Variants in DCLK1 observed in about 807,000 individuals in gnomAD.
DCLK1 encodes serine/threonine-protein kinase DCLK1.
A neutral mutation model predicts 86.2 loss-of-function variants in DCLK1; 16 were observed. The observed-to-expected ratio is 0.19, with a 90% CI of 0.13 to 0.28. The LOEUF (loss-of-function observed/expected upper bound fraction) is 0.28. Ranked by LOEUF, DCLK1 falls within the 10% of genes least tolerant of loss-of-function variation. The pLI, the probability that DCLK1 is intolerant of heterozygous loss-of-function variation, is 1.00. For synonymous variants in DCLK1, 369 were observed against 370.5 expected (o/e 1.00, Z 0.05); for missense variants, 590 against 940.2 (o/e 0.63, Z 4.87).
At chr13:36,008,681 C>T (rs1291047294) in intron 3 of DCLK1, among the ~76,000 whole-genome samples, 13 of 147,924 alleles carry the variant, frequency 8.8e-5, no homozygotes, top group Non-Finnish European at 1.6e-4. Flanking sequence ...CCGCAATAAA[C>T]ATACGTGTGC....
intron 3 of DCLK1, among the ~76,000 whole-genome samples, chr13:36,085,911 A>G (rs575047713): frequency 6.6e-6 from 1 of 152,278 alleles, no homozygotes; most frequent in South Asian, 2.1e-4. Flanking sequence ...CCCCAGACAA[A>G]TATTTCATTG....
chr13:35,983,414 TG>T (rs914462464), intron 3 of DCLK1, among the ~76,000 whole-genome samples: 1 of 152,158 alleles, frequency 6.6e-6, no homozygotes, highest in African/African-American at 2.4e-5. Flanking sequence ...AAACACCTGC[TG>T]GGCCTGCTCA....
chr13:35,955,270 C>T (rs1392297857), intron 3 of DCLK1, among the ~76,000 whole-genome samples: 1 of 151,922 alleles, frequency 6.6e-6, no homozygotes, highest in Admixed American at 6.6e-5. Flanking sequence ...GCTGCTATAA[C>T]AAAAATATCC....
At chr13:35,953,565 G>C (rs1471357910) in intron 3 of DCLK1, among the ~76,000 whole-genome samples, 1 of 151,914 alleles carries the variant, frequency 6.6e-6, no homozygotes, top group Admixed American at 6.6e-5. Context: ...TTGTCATTAC[G>C]CACAGTCGTC....
At chr13:36,095,533 C>A (rs540666591) in intron 3 of DCLK1, among the ~76,000 whole-genome samples, 10 of 151,936 alleles carry the variant, frequency 6.6e-5, no homozygotes, top group Non-Finnish European at 1.5e-4. Flanking sequence ...GCTCAAACTC[C>A]CAAATGTTTC....
chr13:36,074,041 A>C (rs906102963), intron 3 of DCLK1, among the ~76,000 whole-genome samples: 1 of 152,184 alleles, frequency 6.6e-6, no homozygotes, highest in Non-Finnish European at 1.5e-5. Context: ...GTACATTTAC[A>C]TGTACTATAA....
In DCLK1 at chr13:35,925,439, G is replaced by A. The variant is rs756789369; in HGVS notation, c.823+21919C>T. ...TAAAATATGCTAATGTTCTCACCAC[G>A]TGAAGGCAAAGCTGCAGAAACGATG... On this transcript the variant is annotated intron_variant, in intron 4 of 16. Transcript: ENST00000360631. Among the ~76,000 whole-genome samples the A allele has an allele frequency of 3.3e-5, 5 of 152,312 alleles. No individual in the cohort carries two copies. In the South Asian group the frequency reaches 6.2e-4, roughly 19 times the overall value.
intron 16 of DCLK1, among the ~76,000 whole-genome samples, chr13:35,792,707 C>G (rs888519445): frequency 2.6e-5 from 4 of 152,218 alleles, no homozygotes; most frequent in African/African-American, 9.7e-5. Context: ...CCAATTTAAT[C>G]TTTGCCTAGA....
chr13:36,021,215 T>C (rs905699093), intron 3 of DCLK1, among the ~76,000 whole-genome samples: 1 of 145,292 alleles, frequency 6.9e-6, no homozygotes, highest in African/African-American at 2.6e-5. Flanking sequence ...GATAATTGTA[T>C]TCCTCGGGAT....
chr13:35,944,650 C>T (rs1217748303), intron 4 of DCLK1, among the ~76,000 whole-genome samples: 1 of 151,964 alleles, frequency 6.6e-6, no homozygotes, highest in Non-Finnish European at 1.5e-5. Flanking sequence ...CTTCCATATC[C>T]ATGTGTTTCT....
At chr13:35,880,985 C>T (rs534743517) in intron 4 of DCLK1, among the ~76,000 whole-genome samples, 3 of 152,264 alleles carry the variant, frequency 2.0e-5, no homozygotes, top group African/African-American at 4.8e-5. Context: ...AAATACAATG[C>T]CCTCTTAGTC....
intron 10 of DCLK1, among the ~76,000 whole-genome samples, chr13:35,827,059 A>C (rs1455683306): frequency 6.6e-6 from 1 of 152,268 alleles, no homozygotes; most frequent in African/African-American, 2.4e-5. Context: ...TTCAACCGTC[A>C]TCAACAATTG....
At chr13:35,854,406 C>T in intron 6 of DCLK1, 93 bp downstream of exon 6, 1 of 1,004,186 alleles carries the variant, frequency 1.0e-6, no homozygotes, top group Non-Finnish European at 1.4e-6. Flanking sequence ...TTAGATATCG[C>T]CTAGAGACGA....
chr13:35,902,577 G>C (rs971416535), intron 4 of DCLK1, among the ~76,000 whole-genome samples: 3 of 152,206 alleles, frequency 2.0e-5, no homozygotes, highest in Admixed American at 1.3e-4. Flanking sequence ...GAATGATGAA[G>C]GATGTAAGCC....
rs1204539278 is a variant in DCLK1 at position 36,121,523 on chromosome 13, A to T, written c.376+4239T>A. On this transcript the variant is annotated intron_variant, in intron 2 of 16. Transcript: ENST00000360631. ...TTGAGAGAGACGCCACATTCACATA[A>T]CTTTTATTATAGTATATTGTTATAA... 3.3e-5 allele frequency among the ~76,000 whole-genome samples: 5 copies of T among 152,026 alleles called. No individual in the cohort carries two copies. In the East Asian group the frequency reaches 9.7e-4, roughly 29 times the overall value.
chr13:35,940,284 T>G (rs1314181485), intron 4 of DCLK1, among the ~76,000 whole-genome samples: 1 of 127,640 alleles, frequency 7.8e-6, no homozygotes, highest in Non-Finnish European at 1.6e-5. Flanking sequence ...ACAGCAAGAG[T>G]CCGTCTCAAA....
intron 4 of DCLK1, among the ~76,000 whole-genome samples, chr13:35,936,962 C>CTTTTTTTTTTTTTTTTGT (rs1876789357): frequency 1.5e-5 from 1 of 65,712 alleles, no homozygotes; most frequent in Non-Finnish European, 3.0e-5. Context: ...GAAAAGTTAG[C>CTTTTTTTTTTTTTTTTGT]TTTTTTTTTT....
chr13:35,978,197 T>C (rs1324749303), intron 3 of DCLK1, among the ~76,000 whole-genome samples: 1 of 148,172 alleles, frequency 6.7e-6, no homozygotes, highest in Non-Finnish European at 1.5e-5. Flanking sequence ...TTTTTTCTTT[T>C]CTTTTCTTTT....
At chr13:36,074,468 CAAAAAAAAAAAAAAA>C (rs768865436) in intron 3 of DCLK1, among the ~76,000 whole-genome samples, 28 of 79,342 alleles carry the variant, frequency 3.5e-4, no homozygotes, top group Non-Finnish European at 5.8e-4. Context: ...GACTCCGTCT[CAAAAAAAAAAAAAAA>C]AAAAAAAAAA....
Sources: gnomAD v4.1 joint callset for allele counts (sites outside exome capture counted in the v4.1 genomes callset) on GRCh38, gnomAD v4.1.1 for gene constraint, MANE v1.5 for transcripts, NCBI Gene and HGNC (gene_info 2026-07-23, HGNC 2026-07-21) for gene names.